Variants in DNER observed in about 807,000 individuals in gnomAD.
The protein encoded by DNER is delta and Notch-like epidermal growth factor-related receptor.
In DNER, 33 loss-of-function variants were observed where a neutral mutation model predicts 78.2. The observed-to-expected ratio is 0.42, with a 90% CI of 0.32 to 0.56. The LOEUF (loss-of-function observed/expected upper bound fraction) is 0.56, where lower values mean the gene tolerates loss of function less well. Ranked by LOEUF, DNER falls within the 20% of genes least tolerant of loss-of-function variation. The pLI, the probability that DNER is intolerant of heterozygous loss-of-function variation, is 0.11. For synonymous variants in DNER, 417 were observed against 384.8 expected (o/e 1.08, Z -0.98); for missense variants, 918 against 975.3 (o/e 0.94, Z 0.78).
At chr2:229,704,572 T>C (rs537221200) in intron 1 of DNER, among the ~76,000 whole-genome samples, 1 of 151,126 alleles carries the variant, frequency 6.6e-6, no homozygotes, top group South Asian at 2.1e-4. Context: ...TCAAAAGCAT[T>C]ATGTTCAGTG....
chr2:229,484,396 C>T (rs1386668221), intron 6 of DNER, among the ~76,000 whole-genome samples: 1 of 152,200 alleles, frequency 6.6e-6, no homozygotes, highest in Admixed American at 6.5e-5. Context: ...GGGCCCCTTC[C>T]TTTCTAGGCA....
intron 11 of DNER, among the ~76,000 whole-genome samples, chr2:229,387,503 GAAAGAGAGAAAGAAAGAAAGAAAGAA>G (rs1559337833): frequency 9.5e-5 from 10 of 104,800 alleles, no homozygotes; most frequent in African/African-American, 3.5e-4. Flanking sequence ...AAGAAAGAAA[GAAAGAGAGAAAGAAAGAAAGAAAGAA>G]AGAAAGAAAG....
chr2:229,679,263 G>C (rs1699348744), intron 1 of DNER, among the ~76,000 whole-genome samples: 1 of 152,186 alleles, frequency 6.6e-6, no homozygotes, highest in South Asian at 2.1e-4. Flanking sequence ...CACCTTTAAT[G>C]ATAATTTCTA....
intron 8 of DNER, among the ~76,000 whole-genome samples, chr2:229,420,734 AAAAAC>A (rs944101702): frequency 6.6e-6 from 1 of 152,212 alleles, no homozygotes; most frequent in Non-Finnish European, 1.5e-5. Context: ...GGCCATTATA[AAAAAC>A]AAAACAAAAC....
intron 1 of DNER, among the ~76,000 whole-genome samples, chr2:229,700,155 C>CA (rs1273645269): frequency 2.0e-5 from 3 of 151,184 alleles, no homozygotes; most frequent in African/African-American, 2.4e-5. Context: ...TCAGTTAACA[C>CA]AAAAAAAATG....
chr2:229,414,862 A>T (rs1375375738), intron 9 of DNER, among the ~76,000 whole-genome samples: 1 of 152,152 alleles, frequency 6.6e-6, no homozygotes, highest in Non-Finnish European at 1.5e-5. Context: ...TAACCAGGTG[A>T]GACCTTTAAG....
intron 1 of DNER, among the ~76,000 whole-genome samples, chr2:229,649,899 C>T (rs1234921190): frequency 6.6e-6 from 1 of 151,848 alleles, no homozygotes; most frequent in Admixed American, 6.6e-5. Context: ...ATGGTGAAAC[C>T]CCATCTCTAC....
At chr2:229,574,107 A>G (rs528811558) in intron 4 of DNER, among the ~76,000 whole-genome samples, 81 of 152,300 alleles carry the variant, frequency 5.3e-4, no homozygotes, top group Non-Finnish European at 9.4e-4. Context: ...AAGTGGAGCA[A>G]CACAGAATTC....
intron 1 of DNER, among the ~76,000 whole-genome samples, chr2:229,688,407 G>T (rs1177852817): frequency 6.6e-6 from 1 of 152,186 alleles, no homozygotes; most frequent in African/African-American, 2.4e-5. Flanking sequence ...AGAGGAAGAG[G>T]GGTTTCCCAG....
At chr2:229,656,709 C>T (rs1388681773) in intron 1 of DNER, among the ~76,000 whole-genome samples, 5 of 152,120 alleles carry the variant, frequency 3.3e-5, no homozygotes, top group Non-Finnish European at 5.9e-5. Flanking sequence ...TAGACACTTA[C>T]TCATTCATTC....
intron 5 of DNER, among the ~76,000 whole-genome samples, chr2:229,527,134 C>T (rs1373553986): frequency 6.6e-6 from 1 of 151,494 alleles, no homozygotes; most frequent in Non-Finnish European, 1.5e-5. Flanking sequence ...ATGAGGCTGT[C>T]GTTCACGTCA....
chr2:229,614,193 T>TA (rs970109991), intron 1 of DNER, among the ~76,000 whole-genome samples: 1 of 151,182 alleles, frequency 6.6e-6, no homozygotes, highest in African/African-American at 2.4e-5. Flanking sequence ...TTAAAAAATT[T>TA]AAAAAAATAA....
intron 7 of DNER, among the ~76,000 whole-genome samples, chr2:229,476,271 G>A (rs938193405): frequency 3.3e-5 from 5 of 152,148 alleles, no homozygotes; most frequent in African/African-American, 1.2e-4. Context: ...CCGATCACAT[G>A]GGCAGCTCCT....
chr2:229,692,316 C>T (rs974385074), intron 1 of DNER, among the ~76,000 whole-genome samples: 9 of 152,122 alleles, frequency 5.9e-5, no homozygotes, highest in African/African-American at 1.9e-4. Flanking sequence ...TGCAGGAGTG[C>T]TTAGTGCATG....
At chr2:229,364,781 G>A (rs898759845) in intron 12 of DNER, among the ~76,000 whole-genome samples, 11 of 150,990 alleles carry the variant, frequency 7.3e-5, no homozygotes, top group African/African-American at 2.2e-4. Flanking sequence ...CAAACTCTTC[G>A]AACCTCTTAG....
At position 229,586,019 on chromosome 2, in the gene DNER, C is replaced by G; in HGVS notation, c.686G>C (p.Arg229Pro). ...EVPQNTSVKI[R>P]QDATASLILL... The stretch of plus-strand genomic sequence containing the variant: ...AATCAGTGAGGCAGTGGCATCTTGC[C>G]GAATCCTGGAAACAGGAATGATGTA... Residue 229 changes from arginine (R) to proline (P), a missense_variant, in exon 4 of 13, where the codon CGG becomes CCG. By Grantham distance (103) the Arg-to-Pro change is moderately radical (BLOSUM62 -2). Transcript: ENST00000341772. The G allele has an allele frequency of 6.2e-7, 1 of 1,609,546 alleles. No homozygotes were observed. Among genetic ancestry groups the G allele is most frequent in the Non-Finnish European group, 8.5e-7 (1 of 1,178,100 alleles).
intron 6 of DNER, among the ~76,000 whole-genome samples, chr2:229,508,942 A>T (rs1030902243): frequency 1.3e-5 from 2 of 152,066 alleles, no homozygotes; most frequent in African/African-American, 4.8e-5. Flanking sequence ...CAAAGAACTG[A>T]TCAACTCAAG....
intron 1 of DNER, among the ~76,000 whole-genome samples, chr2:229,698,098 G>C (rs1459906485): frequency 2.6e-5 from 4 of 152,158 alleles, no homozygotes; most frequent in Non-Finnish European, 5.9e-5. Flanking sequence ...CAGTTACTCG[G>C]GAGACTGAGG....
At chr2:229,414,096 G>A (rs1183870739) in intron 9 of DNER, among the ~76,000 whole-genome samples, 1 of 152,004 alleles carries the variant, frequency 6.6e-6, no homozygotes, top group East Asian at 1.9e-4. Flanking sequence ...GGGTGGAAGA[G>A]CATGATTAGA....
Sources: allele counts gnomAD v4.1 joint callset (sites outside exome capture counted in the v4.1 genomes callset), GRCh38; gene constraint gnomAD v4.1.1; transcripts MANE v1.5; gene names NCBI Gene and HGNC (gene_info 2026-07-23, HGNC 2026-07-21).